The following PIP5K1B variants were observed in gnomAD, a reference collection of about 807,000 sequenced individuals.
PIP5K1B encodes phosphatidylinositol-4-phosphate 5-kinase type 1 beta.
A neutral mutation model predicts 67.0 loss-of-function variants in PIP5K1B; 42 were observed. That is an observed-to-expected ratio of 0.63 (90% CI 0.49 to 0.81). The LOEUF (loss-of-function observed/expected upper bound fraction) is 0.81, where lower values mean the gene tolerates loss of function less well. Among genes scored for constraint, PIP5K1B ranks in the 30% least tolerant of loss-of-function variants. The probability of loss-of-function intolerance (pLI) is 0.00; values close to 1 mark genes in which losing one functional copy is unlikely to be tolerated. For synonymous variants in PIP5K1B, 214 were observed against 231.4 expected, an observed-to-expected ratio of 0.92 and a Z score of 0.68; for missense variants, 459 against 646.3, an observed-to-expected ratio of 0.71 and a Z score of 3.14.
chr9:68,935,609 A>G (rs1358147094), intron 13 of PIP5K1B, among the ~76,000 whole-genome samples: 4 of 152,248 alleles, frequency 2.6e-5, no homozygotes, highest in Admixed American at 2.0e-4. Flanking sequence ...TGCTTCCACT[A>G]CCTGATGGTA....
chr9:68,824,598 A>G (rs1342251081), intron 4 of PIP5K1B, among the ~76,000 whole-genome samples: 2 of 152,218 alleles, frequency 1.3e-5, no homozygotes, highest in Non-Finnish European at 2.9e-5. Flanking sequence ...TTTAAAAAGT[A>G]TAAGCAATGG....
intron 2 of PIP5K1B, among the ~76,000 whole-genome samples, chr9:68,765,246 T>G (rs1306027376): frequency 1.3e-5 from 2 of 152,106 alleles, no homozygotes; most frequent in African/African-American, 4.8e-5. Context: ...ATGTTGGCAT[T>G]GTGATGAAAC....
intron 1 of PIP5K1B, among the ~76,000 whole-genome samples, chr9:68,737,461 A>G (rs1481049650): frequency 6.6e-6 from 1 of 152,216 alleles, no homozygotes; most frequent in Non-Finnish European, 1.5e-5. Flanking sequence ...ATTCTCCATC[A>G]AAGGAAGTGA....
intron 1 of PIP5K1B, among the ~76,000 whole-genome samples, chr9:68,708,345 T>G (rs1827221707): frequency 6.6e-6 from 1 of 152,224 alleles, no homozygotes; most frequent in African/African-American, 2.4e-5. Context: ...AAACATATGC[T>G]GTAAAACATA....
chr9:68,907,870 C>A (rs1825689817), intron 8 of PIP5K1B, among the ~76,000 whole-genome samples: 1 of 152,202 alleles, frequency 6.6e-6, no homozygotes, highest in Non-Finnish European at 1.5e-5. Flanking sequence ...AAGTCTAAAC[C>A]ATCAAGGTCT....
intron 9 of PIP5K1B, 95 bp downstream of exon 9, chr9:68,917,854 C>A: frequency 1.1e-6 from 1 of 877,266 alleles, no homozygotes; most frequent in Non-Finnish European, 1.8e-6. Flanking sequence ...GGGTGGGACT[C>A]TAGGAATTAA....
chr9:68,774,425 T>G (rs1469195201), intron 2 of PIP5K1B, among the ~76,000 whole-genome samples: 2 of 152,224 alleles, frequency 1.3e-5, no homozygotes, highest in African/African-American at 4.8e-5. Context: ...GGTTAGTGTT[T>G]GAATAAGATA....
At chr9:68,783,584 T>C (rs1831429027) in intron 2 of PIP5K1B, 1 of 166,934 alleles carries the variant, frequency 6.0e-6, no homozygotes, top group African/African-American at 2.4e-5. Flanking sequence ...TATATATGTA[T>C]ATAAATGCAG....
At chr9:68,944,211 T>C (rs1290966723) in intron 14 of PIP5K1B, among the ~76,000 whole-genome samples, 1 of 152,180 alleles carries the variant, frequency 6.6e-6, no homozygotes, top group Non-Finnish European at 1.5e-5. Context: ...AACATTTAAG[T>C]TCTGAATTTT....
intron 2 of PIP5K1B, among the ~76,000 whole-genome samples, chr9:68,750,648 A>G (rs1829577823): frequency 1.3e-5 from 2 of 152,352 alleles, no homozygotes; most frequent in Middle Eastern, 3.4e-3. Flanking sequence ...AGCAGTGAAT[A>G]AAATGAAGAT....
At chr9:69,007,583 TGA>T (rs1564314573) in intron 15 of PIP5K1B, among the ~76,000 whole-genome samples, 4 of 152,022 alleles carry the variant, frequency 2.6e-5, no homozygotes, top group East Asian at 1.9e-4. Context: ...TCAGGCCGGG[TGA>T]GGTGGCTCAC....
chr9:68,862,045 G>A (rs1201628042), intron 4 of PIP5K1B, among the ~76,000 whole-genome samples: 1 of 152,146 alleles, frequency 6.6e-6, no homozygotes, highest in Non-Finnish European at 1.5e-5. Context: ...AAGTGTCAAG[G>A]ATGTAGATAG....
chr9:68,767,241 G>A (rs1378912530), intron 2 of PIP5K1B, among the ~76,000 whole-genome samples: 2 of 152,154 alleles, frequency 1.3e-5, no homozygotes, highest in Non-Finnish European at 2.9e-5. Context: ...GCCTGTATGT[G>A]CACACACTGC....
chr9:68,872,098 C>T (rs1308106168), intron 5 of PIP5K1B, among the ~76,000 whole-genome samples: 2 of 152,192 alleles, frequency 1.3e-5, no homozygotes, highest in Non-Finnish European at 2.9e-5. Context: ...ACGTTGATTG[C>T]GGTCATTGTG....
chr9:68,941,345 A>G (rs1827551510), intron 14 of PIP5K1B, among the ~76,000 whole-genome samples: 1 of 152,220 alleles, frequency 6.6e-6, no homozygotes, highest in African/African-American at 2.4e-5. Context: ...CAATATAATC[A>G]CAGGGTTCTT....
chr9:68,903,887 T>C (rs532268848), intron 8 of PIP5K1B, among the ~76,000 whole-genome samples: 2 of 152,286 alleles, frequency 1.3e-5, no homozygotes, highest in African/African-American at 4.8e-5. Context: ...ATCAAATACG[T>C]ATATACAATA....
intron 2 of PIP5K1B, among the ~76,000 whole-genome samples, chr9:68,791,980 C>T (rs961930008): frequency 2.1e-4 from 32 of 152,276 alleles, no homozygotes; most frequent in Middle Eastern, 3.4e-3. Flanking sequence ...GCATCTTCTT[C>T]CTCCTTCCTC....
chr9:68,936,694 C>T (rs567365172), intron 13 of PIP5K1B, among the ~76,000 whole-genome samples: 1 of 152,074 alleles, frequency 6.6e-6, no homozygotes, highest in East Asian at 1.9e-4. Flanking sequence ...CCAACTTTTA[C>T]CTGGAGTTAA....
intron 4 of PIP5K1B, among the ~76,000 whole-genome samples, chr9:68,825,913 G>A (rs902792802): frequency 9.9e-5 from 15 of 152,284 alleles, no homozygotes; most frequent in Non-Finnish European, 1.5e-4. Flanking sequence ...TGATTTCCAC[G>A]TGTTATTAGG....
Sources: gnomAD v4.1 joint callset for allele counts (sites outside exome capture counted in the v4.1 genomes callset) on GRCh38, gnomAD v4.1.1 for gene constraint, MANE v1.5 for transcripts, NCBI Gene and HGNC (gene_info 2026-07-23, HGNC 2026-07-21) for gene names.